The following RPS6KA2 variants were observed in gnomAD, a reference collection of about 807,000 sequenced individuals.
The protein encoded by RPS6KA2 is ribosomal protein S6 kinase alpha-2.
Under a neutral mutation model 91.8 loss-of-function variants are expected in RPS6KA2, and 42 were observed. The observed-to-expected ratio is 0.46, with a 90% confidence interval of 0.36 to 0.59. The LOEUF (loss-of-function observed/expected upper bound fraction) is 0.59, where lower values mean the gene tolerates loss of function less well. RPS6KA2 is among the 20% of genes least tolerant of loss of function. The probability of loss-of-function intolerance (pLI) is 0.00; values close to 1 mark genes in which losing one functional copy is unlikely to be tolerated. For synonymous variants in RPS6KA2, 414 were observed against 393.6 expected (o/e 1.05, Z -0.61); for missense variants, 798 against 978.5 (o/e 0.82, Z 2.46).
At chr6:166,652,001 A>T (rs1787867904) in intron 2 of RPS6KA2, among the ~76,000 whole-genome samples, 1 of 152,232 alleles carries the variant, frequency 6.6e-6, no homozygotes, top group African/African-American at 2.4e-5. Flanking sequence ...GCTTTCACTA[A>T]CCCTTTATTT....
intron 2 of RPS6KA2, among the ~76,000 whole-genome samples, chr6:166,848,884 T>TC (rs1780669225): frequency 6.6e-6 from 1 of 151,990 alleles, no homozygotes; most frequent in East Asian, 1.9e-4. Flanking sequence ...TACCACCCGT[T>TC]CCCCAAAATC....
At chr6:166,489,945 A>G (rs1030244955) in intron 9 of RPS6KA2, among the ~76,000 whole-genome samples, 7 of 151,976 alleles carry the variant, frequency 4.6e-5, no homozygotes, top group Non-Finnish European at 8.8e-5. Flanking sequence ...CTCACTTAGG[A>G]AGGAACTGAT....
At chr6:166,795,968 C>A (rs1288610877) in intron 2 of RPS6KA2, among the ~76,000 whole-genome samples, 1 of 152,140 alleles carries the variant, frequency 6.6e-6, no homozygotes, top group African/African-American at 2.4e-5. Context: ...ACTTGGAACC[C>A]CAGGCACTAT....
chr6:166,744,482 G>A (rs1004060106), intron 2 of RPS6KA2, among the ~76,000 whole-genome samples: 1 of 152,212 alleles, frequency 6.6e-6, no homozygotes, highest in African/African-American at 2.4e-5. Flanking sequence ...CAAAACACAG[G>A]CTCTATGGCG....
chr6:166,494,181 C>T lies in RPS6KA2; in HGVS notation c.748-3440G>A, dbSNP rs559049841. Among the ~76,000 whole-genome samples the T allele has an allele frequency of 1.3e-5, 2 of 152,288 alleles. No individual in the cohort carries two copies. The highest frequency in any genetic ancestry group is 3.9e-4 in the East Asian group (2 of 5,182). ...TGCAGGGTATGGAGGGGCTGGGTCT[C>T]GGAGAGCTGTGTTGATCCATGCCCA... On this transcript the variant is annotated intron_variant, in intron 8 of 20. Transcript: ENST00000265678. This position sits in a 1 kb window ranked among gnomAD's most constrained non-coding sequence, Gnocchi z 5.1.
chr6:166,802,578 C>T (rs1779394650), intron 2 of RPS6KA2, among the ~76,000 whole-genome samples: 1 of 152,172 alleles, frequency 6.6e-6, no homozygotes, highest in African/African-American at 2.4e-5. Flanking sequence ...TCTGGGCTGA[C>T]TCATTTGGTC....
At chr6:166,738,091 A>C (rs1354694408) in intron 2 of RPS6KA2, among the ~76,000 whole-genome samples, 1 of 152,322 alleles carries the variant, frequency 6.6e-6, no homozygotes, top group Middle Eastern at 3.4e-3. Context: ...CATTTAGTAC[A>C]TGTGGATATT....
chr6:166,741,898 A>T (rs1790826110), intron 2 of RPS6KA2, among the ~76,000 whole-genome samples: 1 of 152,198 alleles, frequency 6.6e-6, no homozygotes, highest in African/African-American at 2.4e-5. Context: ...AGGCCGAGGA[A>T]GGCGGATCAC....
At chr6:166,783,869 A>G (rs1778850495) in intron 2 of RPS6KA2, among the ~76,000 whole-genome samples, 1 of 110,320 alleles carries the variant, frequency 9.1e-6, no homozygotes. Context: ...ACACGTGCAC[A>G]CCTACGCATC....
chr6:166,442,310 C>G (rs1402503536), intron 14 of RPS6KA2, among the ~76,000 whole-genome samples: 2 of 152,180 alleles, frequency 1.3e-5, no homozygotes, highest in Non-Finnish European at 2.9e-5. Context: ...ACTGGGGCTC[C>G]CCGCCTTATG....
At chr6:166,618,996 A>C (rs532908976) in intron 1 of RPS6KA2, among the ~76,000 whole-genome samples, 1 of 149,696 alleles carries the variant, frequency 6.7e-6, no homozygotes, top group South Asian at 2.1e-4. Flanking sequence ...TATGGGCTCC[A>C]ATCGATGCCA....
chr6:166,832,039 TAGA>T (rs1441765399), intron 2 of RPS6KA2, among the ~76,000 whole-genome samples: 7 of 107,180 alleles, frequency 6.5e-5, no homozygotes, highest in African/African-American at 3.1e-4. Context: ...TGATACATGA[TAGA>T]TAGATAGATA....
intron 2 of RPS6KA2, among the ~76,000 whole-genome samples, chr6:166,710,860 T>C (rs142325721): frequency 2.6e-4 from 39 of 152,170 alleles, no homozygotes; most frequent in Non-Finnish European, 5.0e-4. Context: ...ACCCAGGAAT[T>C]CCAGCAGGCA....
chr6:166,780,121 A>C (rs1005646716), intron 2 of RPS6KA2, among the ~76,000 whole-genome samples: 21 of 152,206 alleles, frequency 1.4e-4, no homozygotes, highest in African/African-American at 4.6e-4. Context: ...CTTGGCAAGC[A>C]ATGAGTAGCG....
intron 2 of RPS6KA2, among the ~76,000 whole-genome samples, chr6:166,753,408 CAT>C (rs768183503): frequency 7.2e-5 from 11 of 152,162 alleles, no homozygotes; most frequent in East Asian, 1.9e-4. Context: ...TACTTTAAAA[CAT>C]GTGTAATGCT....
At chr6:166,478,507 G>A (rs1175290291) in intron 10 of RPS6KA2, among the ~76,000 whole-genome samples, 1 of 152,182 alleles carries the variant, frequency 6.6e-6, no homozygotes, top group African/African-American at 2.4e-5. Flanking sequence ...TCTTCTGGCT[G>A]GTACTGCAGG....
chr6:166,462,532 T>G (rs961473407), intron 11 of RPS6KA2, among the ~76,000 whole-genome samples: 4 of 152,196 alleles, frequency 2.6e-5, no homozygotes, highest in African/African-American at 9.6e-5. Context: ...AAGTATCTGC[T>G]GCTAAGTCAG....
rs113986509 is a variant in RPS6KA2 at position 166,794,744 on chromosome 6, C to G, written c.123+63456G>C. 3.9e-3 allele frequency among the ~76,000 whole-genome samples: 583 copies of G among 149,618 alleles called. 4 individuals carry two copies. The highest frequency in any genetic ancestry group is 0.014 in the African/African-American group (562 of 39,428). ...GCTGGAAACCATCATTCTCAGCAAA[C>G]TATTGCAAGAGCAAAAAACCAAACA... On this transcript the variant is annotated intron_variant, in intron 2 of 21. Transcript: ENST00000503859.
At chr6:166,680,629 C>T (rs995374028) in intron 2 of RPS6KA2, among the ~76,000 whole-genome samples, 6 of 152,176 alleles carry the variant, frequency 3.9e-5, no homozygotes, top group Non-Finnish European at 8.8e-5. Context: ...GACGTGCCAA[C>T]CTTATGAACT....
Sources: allele counts gnomAD v4.1 joint callset (sites outside exome capture counted in the v4.1 genomes callset), GRCh38; gene constraint gnomAD v4.1.1; non-coding constraint Gnocchi (gnomAD v3.1); transcripts MANE v1.5; gene names NCBI Gene and HGNC (gene_info 2026-07-23, HGNC 2026-07-21).